The following NALF1 variants were observed in gnomAD, a reference collection of about 807,000 sequenced individuals.
The protein encoded by NALF1 is family with sequence similarity 155 member A.
A neutral mutation model predicts 48.4 loss-of-function variants in NALF1; 3 were observed. The observed-to-expected ratio is 0.06, with a 90% confidence interval of 0.03 to 0.16. The LOEUF (loss-of-function observed/expected upper bound fraction) is 0.16, where lower values mean the gene tolerates loss of function less well. Ranked by LOEUF, NALF1 falls within the 10% of genes least tolerant of loss-of-function variation. The pLI is 1.00. For missense variants in NALF1, 526 were observed against 571.5 expected (o/e 0.92, Z 0.81); for synonymous variants, 262 against 245.7 (o/e 1.07, Z -0.62).
intron 1 of NALF1, among the ~76,000 whole-genome samples, chr13:107,258,447 A>G (rs1566466433): frequency 2.0e-5 from 3 of 152,196 alleles, no homozygotes. Flanking sequence ...GAGAGAGGTA[A>G]TGGCCTCTGA....
chr13:107,173,504 A>T (rs189936540), intron 2 of NALF1, among the ~76,000 whole-genome samples: 1 of 152,142 alleles, frequency 6.6e-6, no homozygotes, highest in African/African-American at 2.4e-5. Context: ...CAGTTCTTTC[A>T]GCTGCATGAA....
At chr13:107,488,165 T>A (rs1311653018) in intron 1 of NALF1, among the ~76,000 whole-genome samples, 1 of 151,930 alleles carries the variant, frequency 6.6e-6, no homozygotes, top group East Asian at 1.9e-4. Context: ...TTTCTTTTCT[T>A]ATTAGTATAG....
At position 107,866,016 on chromosome 13, in the gene NALF1, T is replaced by C. The variant is rs772281775; in HGVS notation, c.581A>G (p.Asn194Ser). 2 of 1,611,996 alleles carry C rather than the reference T, an allele frequency of 1.2e-6. No homozygotes were observed. Among genetic ancestry groups the C allele is most frequent in the South Asian group, 1.1e-5 (1 of 91,074 alleles). ...CCCCCCGGCCGCCCCCCGACTCCAG[T>C]TCCTGGCGCACACCGCGTCCGCATT... ...VENADAVCAR[N>S]WSRGAAGGDG... The change falls in exon 1 of 3, where the codon AAC (asparagine) becomes AGC (serine). Residue 194 changes from asparagine to serine, a missense_variant. Physicochemically the swap from Asn to Ser is conservative, Grantham distance 46. Coordinates refer to ENST00000375915, the MANE Select transcript of NALF1 (RefSeq NM_001080396.3). The surrounding 1 kb of genome is among the most constrained non-coding windows in gnomAD (Gnocchi z 4.4).
chr13:107,271,317 T>TG (rs1326491880), intron 1 of NALF1, among the ~76,000 whole-genome samples: 1 of 152,166 alleles, frequency 6.6e-6, no homozygotes, highest in Non-Finnish European at 1.5e-5. Context: ...TAGAAAGAGT[T>TG]GAACCCTGCA....
chr13:107,264,271 T>C (rs1306799982), intron 1 of NALF1, among the ~76,000 whole-genome samples: 3 of 152,234 alleles, frequency 2.0e-5, no homozygotes, highest in Admixed American at 6.5e-5. Flanking sequence ...TTAACAAAAC[T>C]GGTTTATAAT....
At chr13:107,695,749 G>C (rs558387147) in intron 1 of NALF1, among the ~76,000 whole-genome samples, 2 of 152,182 alleles carry the variant, frequency 1.3e-5, no homozygotes, top group Admixed American at 6.5e-5. Flanking sequence ...ACATATTCTT[G>C]TAACAAGGCT....
chr13:107,545,999 T>C (rs1210395978), intron 1 of NALF1, among the ~76,000 whole-genome samples: 1 of 152,184 alleles, frequency 6.6e-6, no homozygotes, highest in Non-Finnish European at 1.5e-5. Flanking sequence ...GCTTTCTTTA[T>C]ACTGGAGTGT....
intron 2 of NALF1, among the ~76,000 whole-genome samples, chr13:107,192,737 C>T (rs1646267235): frequency 6.6e-6 from 1 of 152,148 alleles, no homozygotes; most frequent in South Asian, 2.1e-4. Context: ...CCTGACTGAA[C>T]CCCAACAATA....
At chr13:107,276,333 T>G (rs764679621) in intron 1 of NALF1, among the ~76,000 whole-genome samples, 1 of 152,124 alleles carries the variant, frequency 6.6e-6, no homozygotes, top group South Asian at 2.1e-4. Flanking sequence ...AAAATTAAAT[T>G]TTCTGATGTC....
At chr13:107,774,162 C>T (rs570044819) in intron 1 of NALF1, among the ~76,000 whole-genome samples, 1 of 152,284 alleles carries the variant, frequency 6.6e-6, no homozygotes, top group Non-Finnish European at 1.5e-5. Context: ...TTTAAGAAGA[C>T]TGATACATGG....
chr13:107,557,840 G>C (rs1400690548), intron 1 of NALF1, among the ~76,000 whole-genome samples: 1 of 152,108 alleles, frequency 6.6e-6, no homozygotes, highest in African/African-American at 2.4e-5. Flanking sequence ...GAACCGAAAA[G>C]AGGCTCTACA....
chr13:107,850,414 A>G (rs1057007992), intron 1 of NALF1, among the ~76,000 whole-genome samples: 1 of 152,222 alleles, frequency 6.6e-6, no homozygotes, highest in Non-Finnish European at 1.5e-5. Flanking sequence ...AAGCAGTCAT[A>G]GTATTATACT....
intron 1 of NALF1, among the ~76,000 whole-genome samples, chr13:107,380,645 G>T (rs1263806927): frequency 6.6e-6 from 1 of 152,082 alleles, no homozygotes; most frequent in South Asian, 2.1e-4. Context: ...TGAAGGAAAA[G>T]ATAAAAGATT....
chr13:107,290,515 G>T (rs1023145256), intron 1 of NALF1, among the ~76,000 whole-genome samples: 1 of 151,990 alleles, frequency 6.6e-6, no homozygotes, highest in African/African-American at 2.4e-5. Flanking sequence ...TTCCCCTTTC[G>T]CTTGGCTCTC....
chr13:107,383,033 T>TA (rs1469376968), intron 1 of NALF1, among the ~76,000 whole-genome samples: 1 of 152,200 alleles, frequency 6.6e-6, no homozygotes, highest in Admixed American at 6.5e-5. Context: ...ACCTGGGACA[T>TA]ACAAGCCTTT....
chr13:107,487,289 G>A (rs528240012), intron 1 of NALF1, among the ~76,000 whole-genome samples: 11 of 152,234 alleles, frequency 7.2e-5, no homozygotes, highest in Non-Finnish European at 1.2e-4. Context: ...ATTTTCACTC[G>A]CAATCCCACA....
At chr13:107,705,722 G>A (rs1476393239) in intron 1 of NALF1, among the ~76,000 whole-genome samples, 2 of 152,016 alleles carry the variant, frequency 1.3e-5, no homozygotes, top group Non-Finnish European at 2.9e-5. Context: ...AAAACAGGGT[G>A]AATTAGCTAC....
At chr13:107,488,230 A>G (rs1198920538) in intron 1 of NALF1, among the ~76,000 whole-genome samples, 2 of 149,640 alleles carry the variant, frequency 1.3e-5, no homozygotes, top group African/African-American at 4.9e-5. Context: ...CACCTCCTGA[A>G]TTCATTGATC....
At chr13:107,824,544 G>A (rs1210403127) in intron 1 of NALF1, among the ~76,000 whole-genome samples, 1 of 152,146 alleles carries the variant, frequency 6.6e-6, no homozygotes, top group African/African-American at 2.4e-5. Context: ...ATCAAGGGAA[G>A]AACAGAAGTC....
Sources: allele counts gnomAD v4.1 joint callset (sites outside exome capture counted in the v4.1 genomes callset), GRCh38; gene constraint gnomAD v4.1.1; non-coding constraint Gnocchi (gnomAD v3.1); transcripts MANE v1.5; gene names NCBI Gene and HGNC (gene_info 2026-07-23, HGNC 2026-07-21).